The following DTNB variants were observed in gnomAD, a reference collection of about 807,000 sequenced individuals.
DTNB encodes the protein DTN-B.
Under a neutral mutation model 90.7 loss-of-function variants are expected in DTNB, and 63 were observed. The ratio of observed to expected loss-of-function variants is 0.69; its 90% CI spans 0.57 to 0.86. The LOEUF is 0.86. Among genes scored for constraint, DTNB ranks in the 40% least tolerant of loss-of-function variants. The pLI is 0.00. For missense variants in DTNB, 744 were observed against 807.1 expected (o/e 0.92, Z 0.95); for synonymous variants, 277 against 286.7 (o/e 0.97, Z 0.34).
chr2:25,468,046 C>A (rs1323773998), intron 10 of DTNB, among the ~76,000 whole-genome samples: 1 of 152,092 alleles, frequency 6.6e-6, no homozygotes, highest in Non-Finnish European at 1.5e-5. Context: ...CAGTTATATA[C>A]CTGTGCACAT....
At chr2:25,420,528 G>GTCTA (rs10679337) in intron 15 of DTNB, among the ~76,000 whole-genome samples, 1,022 of 96,682 alleles carry the variant, frequency 0.011, 21 homozygotes, top group African/African-American at 0.028. Context: ...CTATCTGTCT[G>GTCTA]TCTATCGACA....
At chr2:25,535,005 G>C (rs1210469991) in intron 8 of DTNB, among the ~76,000 whole-genome samples, 8 of 144,730 alleles carry the variant, frequency 5.5e-5, no homozygotes, top group African/African-American at 1.8e-4. Flanking sequence ...AGAGCGGCCG[G>C]GCAGAGGCGC....
chr2:25,639,777 G>A (rs759534885), intron 2 of DTNB, among the ~76,000 whole-genome samples: 22 of 152,220 alleles, frequency 1.4e-4, no homozygotes, highest in Non-Finnish European at 2.5e-4. Context: ...GACTTCTGGA[G>A]ATAGATGATA....
Position 25,607,306 on chromosome 2 carries a change from CT to C in DTNB, c.377del (p.Lys126SerfsTer2). ...TAGCTTTAACTGAAAATACCGTCAA[CT>C]TGCCTCGGCCCTCACTGCAAAATAA... The part of the protein sequence containing the change: ...IAAYDSEGRG[K>X]LTVFSVKAML... On this transcript the variant is annotated frameshift_variant, in exon 5 of 21. Coordinates refer to ENST00000406818, the MANE Select transcript of DTNB (RefSeq NM_021907.5). LOFTEE classifies it high-confidence loss of function. 1 of 1,603,628 alleles carries C rather than the reference CT, an allele frequency of 6.2e-7. No individual in the cohort carries two copies. Among genetic ancestry groups the C allele is most frequent in the Non-Finnish European group, 8.5e-7 (1 of 1,174,810 alleles).
At chr2:25,476,564 G>C (rs2063791996) in intron 10 of DTNB, among the ~76,000 whole-genome samples, 1 of 152,110 alleles carries the variant, frequency 6.6e-6, no homozygotes, top group Non-Finnish European at 1.5e-5. Flanking sequence ...ATGGGAGTTT[G>C]GAAGAAATTG....
chr2:25,491,500 A>G (rs2067456703), intron 9 of DTNB, among the ~76,000 whole-genome samples: 2 of 152,220 alleles, frequency 1.3e-5, no homozygotes, highest in African/African-American at 2.4e-5. Context: ...GTTGCGGAAT[A>G]TAACAGGAAT....
chr2:25,566,900 G>A (rs965258231), intron 8 of DTNB, among the ~76,000 whole-genome samples: 2 of 152,178 alleles, frequency 1.3e-5, no homozygotes, highest in African/African-American at 4.8e-5. Flanking sequence ...TGACTTATGA[G>A]AAAGCTGGGC....
Position 25,576,933 on chromosome 2 carries a change from A to G in DTNB, c.781T>C (p.Cys261Arg). Residue 261 changes from cysteine (C) to arginine (R), a missense_variant, in exon 8 of 21, where the codon TGC becomes CGC. By Grantham distance (180) the Cys-to-Arg change is radical. Transcript: ENST00000406818. ...MMGFRYRCQQCHNYQLCQNCF... is the reference protein window; with the variant it reads ...MMGFRYRCQQRHNYQLCQNCF... ...TTCTGGCAGAGCTGATAGTTGTGGCACTGCTGGCATCGGTACCGGAAACCC... is the reference window on the plus strand; with the variant it reads ...TTCTGGCAGAGCTGATAGTTGTGGCGCTGCTGGCATCGGTACCGGAAACCC... 1.9e-6 allele frequency: 3 copies of G among 1,613,030 alleles called. No individual in the cohort carries two copies. Among genetic ancestry groups the G allele is most frequent in the Non-Finnish European group, 2.5e-6 (3 of 1,179,570 alleles).
At chr2:25,535,953 TG>T (rs2079600167) in intron 8 of DTNB, among the ~76,000 whole-genome samples, 1 of 78,344 alleles carries the variant, frequency 1.3e-5, no homozygotes, top group African/African-American at 5.3e-5. Flanking sequence ...TCCTCCCAGA[TG>T]GGGCAGCCGG....
intron 5 of DTNB, among the ~76,000 whole-genome samples, chr2:25,606,835 C>A (rs2067219875): frequency 6.6e-6 from 1 of 152,126 alleles, no homozygotes; most frequent in Non-Finnish European, 1.5e-5. Flanking sequence ...TCACAGCAAA[C>A]ATCACCTGAT....
intron 15 of DTNB, among the ~76,000 whole-genome samples, chr2:25,423,659 A>G (rs900450257): frequency 1.3e-5 from 2 of 152,052 alleles, no homozygotes; most frequent in Admixed American, 6.6e-5. Flanking sequence ...TTAAATTAAA[A>G]TTAGGATTTT....
At chr2:25,432,005 T>C (rs2054021191) in intron 14 of DTNB, among the ~76,000 whole-genome samples, 1 of 152,142 alleles carries the variant, frequency 6.6e-6, no homozygotes, top group African/African-American at 2.4e-5. Flanking sequence ...ATTGATGATA[T>C]AAATCTAAAC....
Position 25,620,168 on chromosome 2 carries a change from G to A in DTNB, c.362+8003C>T, listed in dbSNP as rs111365779. Among the ~76,000 whole-genome samples the A allele has an allele frequency of 8.6e-4, 131 of 152,334 alleles. 1 individual carries two copies. Among genetic ancestry groups the A allele is most frequent in the African/African-American group, 3.0e-3 (123 of 41,576 alleles). ...AGGGGGAACAAAACGCATGGCATCT[G>A]TCTGGGGAAAATGAGCATGTCATAT... On this transcript the variant is annotated intron_variant, in intron 4 of 20. Coordinates refer to ENST00000406818, the MANE Select transcript of DTNB (RefSeq NM_021907.5).
chr2:25,585,987 T>C (rs2062324911), intron 6 of DTNB, among the ~76,000 whole-genome samples: 2 of 152,216 alleles, frequency 1.3e-5, no homozygotes, highest in Non-Finnish European at 2.9e-5. Context: ...GTTACTCTGC[T>C]TTTTCTTAGA....
At chr2:25,413,270 CTTTTT>C (rs35325785) in intron 16 of DTNB, among the ~76,000 whole-genome samples, 1 of 147,934 alleles carries the variant, frequency 6.8e-6, no homozygotes, top group South Asian at 2.1e-4. Context: ...AATCAGACAC[CTTTTT>C]TTTTTAATAC....
At chr2:25,419,189 A>T (rs940183219) in intron 16 of DTNB, 1 of 422,740 alleles carries the variant, frequency 2.4e-6, no homozygotes, top group African/African-American at 2.0e-5. Flanking sequence ...TGTTTCAAGC[A>T]ATTAAAATCA....
At chr2:25,523,120 C>T (rs1345776270) in intron 9 of DTNB, among the ~76,000 whole-genome samples, 1 of 152,126 alleles carries the variant, frequency 6.6e-6, no homozygotes, top group Non-Finnish European at 1.5e-5. Context: ...ACAGCATTAA[C>T]CTTCAATTAA....
Position 25,650,433 on chromosome 2 carries a change from G to A in DTNB, c.67+2161C>T, listed in dbSNP as rs143592514. On this transcript the variant is annotated intron_variant, in intron 2 of 20. Coordinates refer to ENST00000406818, the MANE Select transcript of DTNB (RefSeq NM_021907.5). ...GAAGGGTAGGCAGAAGCAGTATGAC[G>A]GGTGGTGGAGGCAACAGTATTGTGC... is the stretch of plus-strand genomic sequence containing the variant. 9.4e-3 allele frequency among the ~76,000 whole-genome samples: 1,437 copies of A among 152,278 alleles called. 16 individuals are homozygous for A. Among genetic ancestry groups the A allele is most frequent in the African/African-American group, 0.032 (1,350 of 41,550 alleles).
At chr2:25,407,161 T>C (rs1327743542) in intron 16 of DTNB, among the ~76,000 whole-genome samples, 1 of 151,920 alleles carries the variant, frequency 6.6e-6, no homozygotes, top group African/African-American at 2.4e-5. Flanking sequence ...CCAACAAACA[T>C]ATGAAAAAAT....
Sources: gnomAD v4.1 joint callset for allele counts (sites outside exome capture counted in the v4.1 genomes callset) on GRCh38, gnomAD v4.1.1 for gene constraint, MANE v1.5 for transcripts, NCBI Gene and HGNC (gene_info 2026-07-23, HGNC 2026-07-21) for gene names.